Variants in MCTP1 observed in about 807,000 individuals in gnomAD.
MCTP1 encodes the protein multiple C2 and transmembrane domain containing 1.
In MCTP1, 69 loss-of-function variants were observed where a neutral mutation model predicts 120.6. That is an observed-to-expected ratio of 0.57 (90% CI 0.47 to 0.70). MCTP1 has a LOEUF of 0.70. Ranked by LOEUF, MCTP1 falls within the 30% of genes least tolerant of loss-of-function variation. The probability of loss-of-function intolerance (pLI) is 0.00; values close to 1 mark genes in which losing one functional copy is unlikely to be tolerated. For synonymous variants in MCTP1, 529 were observed against 493.1 expected (o/e 1.07, Z -0.96); for missense variants, 1,203 against 1,248.8 (o/e 0.96, Z 0.55).
intron 1 of MCTP1, among the ~76,000 whole-genome samples, chr5:95,126,756 T>C (rs542221966): frequency 6.6e-6 from 1 of 152,344 alleles, no homozygotes; most frequent in East Asian, 1.9e-4. Flanking sequence ...TTGGTTAATA[T>C]ACAGTATGTG....
chr5:95,054,521 A>G (rs536643956), intron 1 of MCTP1, among the ~76,000 whole-genome samples: 1 of 152,334 alleles, frequency 6.6e-6, no homozygotes, highest in African/African-American at 2.4e-5. Flanking sequence ...TACAATCAAG[A>G]TGCTAGAACC....
At chr5:95,187,407 GT>G (rs1268155527) in intron 1 of MCTP1, among the ~76,000 whole-genome samples, 1 of 152,028 alleles carries the variant, frequency 6.6e-6, no homozygotes, top group Non-Finnish European at 1.5e-5. Flanking sequence ...AAGTTTTTTT[GT>G]TTTTGTTTTG....
At chr5:94,996,960 T>G (rs1171353115) in intron 2 of MCTP1, among the ~76,000 whole-genome samples, 1 of 152,182 alleles carries the variant, frequency 6.6e-6, no homozygotes, top group Non-Finnish European at 1.5e-5. Context: ...TGTTTTACCT[T>G]GTCAACATTG....
At chr5:94,854,227 G>C (rs777359717) in intron 17 of MCTP1, among the ~76,000 whole-genome samples, 1 of 151,738 alleles carries the variant, frequency 6.6e-6, no homozygotes, top group African/African-American at 2.4e-5. Context: ...AGTTATATAC[G>C]CCAAAACACA....
chr5:94,750,339 G>A (rs1163574274), intron 19 of MCTP1, among the ~76,000 whole-genome samples: 1 of 152,168 alleles, frequency 6.6e-6, no homozygotes, highest in African/African-American at 2.4e-5. Context: ...TATCTGGGGG[G>A]CAAATGAAAC....
At chr5:95,076,452 G>GAAAAAAAAAA (rs34708532) in intron 1 of MCTP1, among the ~76,000 whole-genome samples, 1 of 130,794 alleles carries the variant, frequency 7.6e-6, no homozygotes, top group Non-Finnish European at 1.6e-5. Flanking sequence ...GCTGAAAAAG[G>GAAAAAAAAAA]AAAAAAAAAA....
At chr5:94,856,093 G>C (rs1252579427) in intron 17 of MCTP1, among the ~76,000 whole-genome samples, 1 of 151,584 alleles carries the variant, frequency 6.6e-6, no homozygotes, top group Admixed American at 6.6e-5. Flanking sequence ...ATCGTTACCT[G>C]GGGAAAATTA....
intron 2 of MCTP1, among the ~76,000 whole-genome samples, chr5:94,964,339 A>G (rs1235597058): frequency 6.6e-6 from 1 of 152,196 alleles, no homozygotes; most frequent in Non-Finnish European, 1.5e-5. Context: ...GCTGAACAGA[A>G]TATTCCATAT....
chr5:95,139,068 T>G (rs955292201), intron 1 of MCTP1, among the ~76,000 whole-genome samples: 4 of 150,752 alleles, frequency 2.7e-5, no homozygotes, highest in Non-Finnish European at 4.4e-5. Flanking sequence ...ACATTTAGGG[T>G]TTTTTTTTCC....
chr5:95,219,436 G>A (rs1201085041), intron 1 of MCTP1, among the ~76,000 whole-genome samples: 1 of 150,762 alleles, frequency 6.6e-6, no homozygotes, highest in Non-Finnish European at 1.5e-5. Flanking sequence ...ACAAAATTTA[G>A]TTGACTTAAA....
rs556677065 is a variant in MCTP1, at chr5:95,062,132, T to C, written c.721-44648A>G. On this transcript the variant is annotated intron_variant, in intron 1 of 22. Transcript: ENST00000515393. ...AATTCAAGAATTATTTCCATTACTT[T>C]GATCAATGAATGGGATTTGGTCATA... Among the ~76,000 whole-genome samples, 6 of 152,370 alleles carry C rather than the reference T, an allele frequency of 3.9e-5. No homozygotes were observed. In the East Asian group the frequency reaches 9.6e-4, roughly 25 times the overall value.
chr5:95,265,906 T>G (rs1406057794), intron 1 of MCTP1, among the ~76,000 whole-genome samples: 2 of 152,150 alleles, frequency 1.3e-5, no homozygotes, highest in African/African-American at 2.4e-5. Context: ...GAGCTTCTAT[T>G]AGATATCTCA....
At chr5:95,148,744 G>A (rs1760635853) in intron 1 of MCTP1, among the ~76,000 whole-genome samples, 1 of 151,540 alleles carries the variant, frequency 6.6e-6, no homozygotes, top group South Asian at 2.1e-4. Flanking sequence ...TAGAGATAAG[G>A]GGACTCTGTT....
At chr5:94,996,903 T>TA (rs1438526358) in intron 2 of MCTP1, among the ~76,000 whole-genome samples, 1 of 152,172 alleles carries the variant, frequency 6.6e-6, no homozygotes, top group Non-Finnish European at 1.5e-5. Flanking sequence ...GAAAGAATAA[T>TA]ACAGGTTTGA....
intron 10 of MCTP1, among the ~76,000 whole-genome samples, chr5:94,902,498 C>T (rs1805784932): frequency 6.6e-6 from 1 of 152,074 alleles, no homozygotes; most frequent in South Asian, 2.1e-4. Flanking sequence ...AGACATGCCT[C>T]TATGAGAGGG....
Position 95,133,055 on chromosome 5 carries a change from T to G in MCTP1, c.721-115571A>C, listed in dbSNP as rs148335095. ...AGAACTCATAAAAAATCATCACACT[T>G]AAGTACCTGGTCCCTTTAAAGAAGT... On this transcript the variant is annotated intron_variant, in intron 1 of 22. Transcript: ENST00000515393. 1.6e-3 allele frequency among the ~76,000 whole-genome samples: 246 copies of G among 152,308 alleles called. 2 individuals are homozygous for G. The highest frequency in any genetic ancestry group is 5.0e-3 in the African/African-American group (206 of 41,582).
At chr5:95,127,002 A>G (rs1268989764) in intron 1 of MCTP1, among the ~76,000 whole-genome samples, 2 of 152,344 alleles carry the variant, frequency 1.3e-5, no homozygotes, top group African/African-American at 2.4e-5. Context: ...TTACTGAAGG[A>G]AGTCAAAGCA....
chr5:94,851,995 A>C (rs1793836821), intron 17 of MCTP1, among the ~76,000 whole-genome samples: 1 of 151,908 alleles, frequency 6.6e-6, no homozygotes. Flanking sequence ...TAATGATCTT[A>C]ATTTTATTTT....
intron 1 of MCTP1, among the ~76,000 whole-genome samples, chr5:95,235,590 C>T (rs1469025839): frequency 6.6e-6 from 1 of 151,914 alleles, no homozygotes; most frequent in Non-Finnish European, 1.5e-5. Flanking sequence ...ATGTATACGC[C>T]TGAACTTAAA....
Sources: allele counts gnomAD v4.1 joint callset (sites outside exome capture counted in the v4.1 genomes callset), GRCh38; gene constraint gnomAD v4.1.1; transcripts MANE v1.5; gene names NCBI Gene and HGNC (gene_info 2026-07-23, HGNC 2026-07-21).